PAX8: variants seen among roughly 807,000 people sequenced by gnomAD.
PAX8 encodes the protein paired box protein Pax-8.
PAX8 carries 15 observed loss-of-function variants against 52.4 expected under a neutral mutation model. The observed-to-expected ratio is 0.29, with a 90% CI of 0.19 to 0.44. The LOEUF (loss-of-function observed/expected upper bound fraction) is 0.44, where lower values mean the gene tolerates loss of function less well. Ranked by LOEUF, PAX8 falls within the 20% of genes least tolerant of loss-of-function variation. The pLI, the probability that PAX8 is intolerant of heterozygous loss-of-function variation, is 1.00. For synonymous variants in PAX8, 284 were observed against 249.7 expected (o/e 1.14, Z -1.29); for missense variants, 554 against 602.5 (o/e 0.92, Z 0.84).
intron 2 of PAX8, among the ~76,000 whole-genome samples, chr2:113,264,350 G>T (rs1332349516): frequency 6.6e-6 from 1 of 152,186 alleles, no homozygotes; most frequent in Admixed American, 6.5e-5. Context: ...TTCCCTCAAA[G>T]GCTGCATTTC....
At position 113,251,065 on chromosome 2, in the gene PAX8, G is replaced by T. The variant is rs377356025; in HGVS notation, c.26-4146C>A. ...GACATTTAGTGTGGCTGTAGGACAGGCAGGAAAGAGAATTTGGAAAGAGCC... is the reference window on the plus strand; with the variant it reads ...GACATTTAGTGTGGCTGTAGGACAGTCAGGAAAGAGAATTTGGAAAGAGCC... On this transcript the variant is annotated intron_variant, in intron 2 of 11. Coordinates refer to ENST00000429538, the MANE Select transcript of PAX8 (RefSeq NM_003466.4). 6.8e-4 allele frequency: 103 copies of T among 152,386 alleles called. 1 individual carries two copies. In the South Asian group the frequency reaches 0.021, roughly 31 times the overall value. The allele number at this position is 152,386 out of a possible 1,614,324, so 9.4% of individuals were successfully genotyped here.
intron 9 of PAX8, chr2:113,230,381 C>A (rs1314957439): frequency 6.6e-6 from 1 of 152,304 alleles, no homozygotes; most frequent in Non-Finnish European, 1.5e-5. Context: ...CCTTACAACA[C>A]AGCTTAATAT....
intron 2 of PAX8, among the ~76,000 whole-genome samples, chr2:113,248,699 CT>C (rs560041077): frequency 6.6e-4 from 100 of 152,234 alleles, no homozygotes; most frequent in Admixed American, 1.5e-3. Flanking sequence ...TGGCTGACAT[CT>C]GTAATCCCAG....
At chr2:113,262,670 C>T (rs910678413) in intron 2 of PAX8, among the ~76,000 whole-genome samples, 1 of 152,014 alleles carries the variant, frequency 6.6e-6, no homozygotes, top group African/African-American at 2.4e-5. Flanking sequence ...GGGCCTAATC[C>T]AATATGATCA....
intron 11 of PAX8, among the ~76,000 whole-genome samples, chr2:113,219,087 C>A (rs1032187229): frequency 3.3e-5 from 5 of 152,200 alleles, no homozygotes; most frequent in African/African-American, 9.7e-5. Context: ...GCAGGATGGG[C>A]AGCCTGGGGA....
chr2:113,272,826 C>T (rs1210730376), intron 2 of PAX8: 1 of 152,158 alleles, frequency 6.6e-6, no homozygotes, highest in African/African-American at 2.4e-5. Flanking sequence ...GAGAAGATAA[C>T]GTGAGGGCAT....
At chr2:113,255,381 T>G in intron 2 of PAX8, 1 of 151,792 alleles carries the variant, frequency 6.6e-6, no homozygotes, top group Non-Finnish European at 1.5e-5. Flanking sequence ...AGAATTCTGT[T>G]TTCCACAGAC....
chr2:113,230,858 C>T (rs895359593), intron 9 of PAX8, among the ~76,000 whole-genome samples: 11 of 152,198 alleles, frequency 7.2e-5, no homozygotes, highest in Non-Finnish European at 1.6e-4. Flanking sequence ...AAACGATCCT[C>T]GCTATGAATT....
At chr2:113,219,830 C>G (rs777758371) in intron 11 of PAX8, among the ~76,000 whole-genome samples, 15 of 152,162 alleles carry the variant, frequency 9.9e-5, no homozygotes, top group Non-Finnish European at 1.3e-4. Context: ...GAATCTTACA[C>G]AAAACAAAGA....
Position 113,246,777 on chromosome 2 carries a change from G to C in PAX8, c.168C>G (p.Gly56=). The change falls in exon 3 of 12, where the codon GGC becomes GGG. Residue 56 remains glycine, a synonymous_variant. Transcript: ENST00000429538. ...DISRQLRVSH[G]CVSKILGRYY... ...ACCTGCCAAGGATCTTGCTGACGCA[G>C]CCATGGCTGACGCGGAGCTGGCGAG... is the stretch of plus-strand genomic sequence containing the variant. The C allele has an allele frequency of 6.2e-7, 1 of 1,613,620 alleles. No homozygotes were observed. Among genetic ancestry groups the C allele is most frequent in the South Asian group, 1.1e-5 (1 of 91,068 alleles).
At chr2:113,264,972 GAA>G (rs1692950761) in intron 2 of PAX8, among the ~76,000 whole-genome samples, 1 of 152,232 alleles carries the variant, frequency 6.6e-6, no homozygotes, top group South Asian at 2.1e-4. Flanking sequence ...GGAGGTAGGA[GAA>G]AGTCTTCTCG....
At chr2:113,241,857 G>T in intron 6 of PAX8, 131 bp from the exon 7 acceptor site, 1 of 1,428,156 alleles carries the variant, frequency 7.0e-7, no homozygotes, top group Non-Finnish European at 9.8e-7. Flanking sequence ...GGGCCCAGGA[G>T]CCTTGGCCAA....
intron 2 of PAX8, chr2:113,267,610 C>T (rs1237268596): frequency 6.6e-6 from 1 of 152,196 alleles, no homozygotes; most frequent in Non-Finnish European, 1.5e-5. Flanking sequence ...TCCTGGATAG[C>T]TTACACCCTA....
chr2:113,234,081 G>A (rs1057275872), intron 9 of PAX8, among the ~76,000 whole-genome samples: 1 of 152,248 alleles, frequency 6.6e-6, no homozygotes, highest in African/African-American at 2.4e-5. Flanking sequence ...CTTGGAGACA[G>A]TGCCGCTATT....
intron 4 of PAX8, 34 bp from the exon 5 acceptor site, chr2:113,242,812 AGAG>A: frequency 6.5e-7 from 1 of 1,527,584 alleles, no homozygotes; most frequent in Non-Finnish European, 9.1e-7. Context: ...ATGAGAGAGA[AGAG>A]GAGGAAAGAG....
intron 3 of PAX8, among the ~76,000 whole-genome samples, chr2:113,245,892 A>G (rs573726590): frequency 6.6e-6 from 1 of 152,314 alleles, no homozygotes; most frequent in Admixed American, 6.5e-5. Flanking sequence ...AGAACAGTCC[A>G]GGTCCCTTTA....
At chr2:113,241,103 T>C (rs1690795836) in intron 7 of PAX8, 1 of 306,334 alleles carries the variant, frequency 3.3e-6, no homozygotes, top group Admixed American at 4.7e-5. Flanking sequence ...GGCAGAGAGG[T>C]GTGAGCGAGG....
intron 4 of PAX8, 82 bp from the exon 5 acceptor site, chr2:113,242,860 G>T: frequency 9.4e-7 from 1 of 1,061,684 alleles, no homozygotes; most frequent in Non-Finnish European, 1.5e-6. Context: ...TCGCCTTTTT[G>T]ACACCCCTTT....
intron 10 of PAX8, among the ~76,000 whole-genome samples, chr2:113,224,938 G>A (rs1689480801): frequency 6.6e-6 from 1 of 152,112 alleles, no homozygotes; most frequent in Non-Finnish European, 1.5e-5. Flanking sequence ...CTTTTCCTGT[G>A]CTCCTCTCTT....
Sources: gnomAD v4.1 joint callset for allele counts (sites outside exome capture counted in the v4.1 genomes callset) on GRCh38, gnomAD v4.1.1 for gene constraint, MANE v1.5 for transcripts, NCBI Gene and HGNC (gene_info 2026-07-23, HGNC 2026-07-21) for gene names.